The following CATSPERE variants were observed in gnomAD, a reference collection of about 807,000 sequenced individuals.
CATSPERE encodes cation channel sperm-associated auxiliary subunit epsilon.
In CATSPERE, 93 loss-of-function variants were observed where a neutral mutation model predicts 114.1. That is an observed-to-expected ratio of 0.81 (90% CI 0.69 to 0.97). The LOEUF is 0.97. Among genes scored for constraint, CATSPERE ranks in the 50% least tolerant of loss-of-function variants. The pLI is 0.00. For missense variants in CATSPERE, 1,058 were observed against 1,131.6 expected, an observed-to-expected ratio of 0.93 and a Z score of 0.93; for synonymous variants, 341 against 384.1, an observed-to-expected ratio of 0.89 and a Z score of 1.31.
intron 7 of CATSPERE, chr1:244,515,430 G>C (rs569798500): frequency 2.2e-6 from 1 of 456,172 alleles, no homozygotes; most frequent in South Asian, 9.5e-5. Context: ...GGTTTGAAGT[G>C]CTTCTCAGAC....
intron 12 of CATSPERE, among the ~76,000 whole-genome samples, chr1:244,582,766 A>C (rs1351999311): frequency 6.6e-6 from 1 of 152,182 alleles, no homozygotes; most frequent in Admixed American, 6.5e-5. Flanking sequence ...CTCTATGCCA[A>C]GCACTTTCTA....
intron 8 of CATSPERE, among the ~76,000 whole-genome samples, chr1:244,523,014 C>T (rs1377316389): frequency 6.1e-5 from 9 of 148,632 alleles, no homozygotes; most frequent in African/African-American, 1.0e-4. Flanking sequence ...ATACCAAAGC[C>T]GGGCAGAGAC....
rs1281579567 is a variant in CATSPERE at position 244,625,424 on chromosome 1, A to ATTTTTTT, written c.2648+7739_2648+7740insTTTTTTT. 4.6e-3 allele frequency among the ~76,000 whole-genome samples: 18 copies of ATTTTTTT among 3,950 alleles called. 2 individuals carry two copies. Among genetic ancestry groups the ATTTTTTT allele is most frequent in the South Asian group, 0.025 (1 of 40 alleles). The allele number at this position is 3,950 out of a possible 152,430, so 2.6% of individuals were successfully genotyped here. A position where few individuals can be genotyped will look rare whatever the true frequency, so the allele number is the denominator to read the frequency against. On this transcript the variant is annotated intron_variant, in intron 20 of 21. Transcript: ENST00000366534. ...TTATTATTTATATATATATATATAT[A>ATTTTTTT]TATATATATTTTTTTTTTTTTTTGA... is the stretch of plus-strand genomic sequence containing the variant.
At chr1:244,515,083 T>G (rs1337670292) in intron 7 of CATSPERE, among the ~76,000 whole-genome samples, 1 of 152,228 alleles carries the variant, frequency 6.6e-6, no homozygotes, top group African/African-American at 2.4e-5. Flanking sequence ...GTACTAAGAA[T>G]AAAATCTAAC....
intron 17 of CATSPERE, among the ~76,000 whole-genome samples, chr1:244,595,887 G>C (rs1193812762): frequency 3.3e-5 from 5 of 152,184 alleles, no homozygotes; most frequent in East Asian, 1.9e-4. Flanking sequence ...GAGCCGAGAT[G>C]GCGCCACTGC....
At position 244,573,554 on chromosome 1, in the gene CATSPERE, C is replaced by T. The variant is rs2148581613; in HGVS notation, c.1950+782C>T. Among the ~76,000 whole-genome samples the T allele has an allele frequency of 6.6e-6, 1 of 152,332 alleles. No individual in the cohort carries two copies. Among genetic ancestry groups the T allele is most frequent in the East Asian group, 1.9e-4 (1 of 5,194 alleles). ...TGGGCATCTGCTAATTCGTCTGCAA[C>T]TACATGACCTAAGATGGCCTCATTA... On this transcript the variant is annotated intron_variant, in intron 11 of 21. Transcript: ENST00000366534. This position sits in a 1 kb window ranked among gnomAD's most constrained non-coding sequence, Gnocchi z 4.0.
chr1:244,491,684 G>A (rs568203912), intron 6 of CATSPERE, among the ~76,000 whole-genome samples: 106 of 152,102 alleles, frequency 7.0e-4, no homozygotes, highest in Admixed American at 2.6e-4. Context: ...CAACAAAATC[G>A]ATAGACCGCT....
chr1:244,514,828 C>CAAAAA (rs371207477), intron 7 of CATSPERE, among the ~76,000 whole-genome samples: 3 of 42,404 alleles, frequency 7.1e-5, no homozygotes, highest in Non-Finnish European at 1.4e-4. Flanking sequence ...GACTCCATCT[C>CAAAAA]AAAAAAAAAA....
At chr1:244,451,487 C>G, upstream of CATSPERE, 1 of 865,134 alleles carries the variant, frequency 1.2e-6, no homozygotes, top group South Asian at 2.0e-5. This position sits in a 1 kb window ranked among gnomAD's most constrained non-coding sequence, Gnocchi z 6.6. Flanking sequence ...TCCACGTAGC[C>G]GCAGCTCAGG....
intron 7 of CATSPERE, among the ~76,000 whole-genome samples, chr1:244,512,498 C>CT (rs1380806323): frequency 1.3e-5 from 2 of 151,944 alleles, no homozygotes; most frequent in Non-Finnish European, 1.5e-5. Flanking sequence ...CACTAAGTTT[C>CT]TTTTTTTCCT....
intron 20 of CATSPERE, among the ~76,000 whole-genome samples, chr1:244,626,843 A>G (rs956226963): frequency 1.1e-4 from 16 of 152,186 alleles, no homozygotes; most frequent in African/African-American, 3.6e-4. Context: ...AGACCATTCA[A>G]ACTTTCTCTA....
At chr1:244,513,560 G>T (rs151012558) in intron 7 of CATSPERE, among the ~76,000 whole-genome samples, 222 of 152,320 alleles carry the variant, frequency 1.5e-3, no homozygotes, top group African/African-American at 5.1e-3. Flanking sequence ...ATGCATGCGG[G>T]CACTGGTGAA....
At chr1:244,503,782 G>C (rs973923837) in intron 7 of CATSPERE, among the ~76,000 whole-genome samples, 4 of 151,996 alleles carry the variant, frequency 2.6e-5, no homozygotes, top group African/African-American at 9.7e-5. Context: ...CATTGCCCAG[G>C]CTAGTCTCAA....
At chr1:244,452,214 C>T (rs935506869), upstream of CATSPERE, 2 of 161,714 alleles carry the variant, frequency 1.2e-5, no homozygotes, top group African/African-American at 2.4e-5. Context: ...CCCGCTCTAC[C>T]TCTCGCTTTC....
chr1:244,543,590 T>G (rs2148468356), intron 8 of CATSPERE, among the ~76,000 whole-genome samples: 1 of 149,468 alleles, frequency 6.7e-6, no homozygotes, highest in South Asian at 2.1e-4. Context: ...TTATAGTCAA[T>G]AACAGTAATA....
In CATSPERE at chr1:244,576,464, G is replaced by A. The variant is rs114335912; in HGVS notation, c.1950+3692G>A. ...TACTTTCTGCAGAAAGGGTGCTCTC[G>A]CCATTGCTCCATCTGCGAGGAGCAT... On this transcript the variant is annotated intron_variant, in intron 11 of 21. Coordinates refer to ENST00000366534, the MANE Select transcript of CATSPERE (RefSeq NM_001130957.2). Among the ~76,000 whole-genome samples, 445 of 148,258 alleles carry A rather than the reference G, an allele frequency of 3.0e-3. 7 individuals are homozygous for A. Among genetic ancestry groups the A allele is most frequent in the African/African-American group, 9.9e-3 (398 of 40,388 alleles).
Position 244,633,986 on chromosome 1 carries a change from C to G in CATSPERE, c.2649-1503C>G, listed in dbSNP as rs1437493508. ...TCAAGCAATTCTCCTGCCTCAACCTCCCAAGTAGCTGGGATTATAGGCACA... is the reference window on the plus strand; with the variant it reads ...TCAAGCAATTCTCCTGCCTCAACCTGCCAAGTAGCTGGGATTATAGGCACA... On this transcript the variant is annotated intron_variant, in intron 20 of 21. Transcript: ENST00000366534. This position sits in a 1 kb window ranked among gnomAD's most constrained non-coding sequence, Gnocchi z 4.1. Among the ~76,000 whole-genome samples the G allele has an allele frequency of 5.3e-5, 8 of 151,976 alleles. No homozygotes were observed. The East Asian group carries it at 1.6e-3, about 29-fold the overall frequency.
At chr1:244,549,854 G>C (rs909961398) in intron 8 of CATSPERE, among the ~76,000 whole-genome samples, 3 of 152,176 alleles carry the variant, frequency 2.0e-5, no homozygotes, top group African/African-American at 7.2e-5. Flanking sequence ...TTCTGGAAGA[G>C]ATTAGCATTT....
intron 6 of CATSPERE, among the ~76,000 whole-genome samples, chr1:244,491,866 C>T (rs1255051242): frequency 6.6e-6 from 1 of 152,182 alleles, no homozygotes; most frequent in Admixed American, 6.5e-5. Context: ...AATTCCTTGA[C>T]ACATACACTC....
Sources: allele counts gnomAD v4.1 joint callset (sites outside exome capture counted in the v4.1 genomes callset), GRCh38; gene constraint gnomAD v4.1.1; non-coding constraint Gnocchi (gnomAD v3.1); transcripts MANE v1.5; gene names NCBI Gene and HGNC (gene_info 2026-07-23, HGNC 2026-07-21).